Variants in ANKFN1 observed in about 807,000 individuals in gnomAD.
The protein encoded by ANKFN1 is ankyrin repeat and fibronectin type III domain containing 1.
A neutral mutation model predicts 108.7 loss-of-function variants in ANKFN1; 74 were observed. That is an observed-to-expected ratio of 0.68 (90% CI 0.56 to 0.83). The LOEUF is 0.83. ANKFN1 is among the 40% of genes least tolerant of loss of function. The pLI, the probability that ANKFN1 is intolerant of heterozygous loss-of-function variation, is 0.00. For missense variants in ANKFN1, 1,505 were observed against 1,382.3 expected (o/e 1.09, Z -1.41); for synonymous variants, 547 against 516.2 (o/e 1.06, Z -0.81).
intron 3 of ANKFN1, among the ~76,000 whole-genome samples, chr17:56,298,223 A>G (rs932764289): frequency 2.6e-5 from 4 of 152,248 alleles, no homozygotes; most frequent in African/African-American, 9.6e-5. Context: ...TACATATGGA[A>G]GAAAATGCAC....
intron 1 of ANKFN1, among the ~76,000 whole-genome samples, chr17:56,167,860 A>G (rs1910300594): frequency 6.6e-6 from 1 of 152,190 alleles, no homozygotes; most frequent in Non-Finnish European, 1.5e-5. Flanking sequence ...TGGCCAACAC[A>G]GAAGTGACCT....
At chr17:56,211,541 A>G (rs1915006723) in intron 1 of ANKFN1, among the ~76,000 whole-genome samples, 1 of 152,122 alleles carries the variant, frequency 6.6e-6, no homozygotes, top group Admixed American at 6.5e-5. Context: ...AGGTAATGTA[A>G]TATCTCCAGA....
chr17:56,433,396 C>A (rs968906986), intron 8 of ANKFN1, among the ~76,000 whole-genome samples: 9 of 151,864 alleles, frequency 5.9e-5, no homozygotes, highest in Non-Finnish European at 7.4e-5. Flanking sequence ...AAGAATATTT[C>A]CTCAATTTTT....
chr17:56,112,640 G>A (rs897167245), intron 4 of ANKFN1, among the ~76,000 whole-genome samples: 4 of 152,106 alleles, frequency 2.6e-5, no homozygotes, highest in African/African-American at 9.7e-5. Context: ...TTCACATGGG[G>A]TTAGATTATC....
At chr17:56,195,797 G>T (rs1252109508) in intron 1 of ANKFN1, among the ~76,000 whole-genome samples, 1 of 151,998 alleles carries the variant, frequency 6.6e-6, no homozygotes, top group Admixed American at 6.6e-5. Context: ...AACAGGGCAT[G>T]TATCTTTATT....
intron 8 of ANKFN1, among the ~76,000 whole-genome samples, chr17:56,381,467 A>C (rs7214449): frequency 2.6e-5 from 4 of 152,214 alleles, no homozygotes; most frequent in Admixed American, 6.5e-5. Flanking sequence ...AGAAGAAGGC[A>C]TCAGACGATC....
chr17:56,443,840 A>T (rs760646640), intron 10 of ANKFN1, among the ~76,000 whole-genome samples: 4 of 152,224 alleles, frequency 2.6e-5, no homozygotes, highest in Non-Finnish European at 4.4e-5. Flanking sequence ...AGTACTCTGA[A>T]TTGTATTTTC....
chr17:56,174,724 G>A (rs746432625), intron 1 of ANKFN1, among the ~76,000 whole-genome samples: 85 of 152,114 alleles, frequency 5.6e-4, no homozygotes, highest in Non-Finnish European at 1.1e-3. Flanking sequence ...TGACTCCCAC[G>A]TCAGAGAATA....
chr17:56,478,324 A>G (rs1209281922), intron 16 of ANKFN1, among the ~76,000 whole-genome samples: 1 of 152,192 alleles, frequency 6.6e-6, no homozygotes, highest in African/African-American at 2.4e-5. Context: ...TTTATAATCT[A>G]AAACAGCCAT....
At chr17:56,360,054 C>T (rs751321260) in intron 6 of ANKFN1, among the ~76,000 whole-genome samples, 62 of 152,162 alleles carry the variant, frequency 4.1e-4, no homozygotes, top group South Asian at 2.1e-4. Flanking sequence ...AAATCAAATC[C>T]ACCCTCAAAG....
chr17:56,254,589 T>C (rs1054094769), intron 3 of ANKFN1, among the ~76,000 whole-genome samples: 4 of 152,252 alleles, frequency 2.6e-5, no homozygotes, highest in Admixed American at 2.6e-4. Flanking sequence ...GCTGATTCTC[T>C]GAAAGAAACA....
chr17:56,174,239 AG>A lies in ANKFN1; in HGVS notation c.-71+20710del, dbSNP rs1910926117. On this transcript the variant is annotated intron_variant, in intron 1 of 20. Coordinates refer to ENST00000682825, the MANE Select transcript of ANKFN1 (RefSeq NM_001370326.1). The stretch of plus-strand genomic sequence containing the variant: ...TCTCTCTTTGCCAGCAGCTCTTCAA[AG>A]ACTTGTGAGCCCACTCAGCCCTCCA... The A allele has an allele frequency of 2.0e-5, 20 of 985,418 alleles. No individual in the cohort carries two copies. In the South Asian group the frequency reaches 8.5e-4, roughly 42 times the overall value. The allele number at this position is 985,418 out of a possible 1,614,324, so 61.0% of individuals were successfully genotyped here. A position where few individuals can be genotyped will look rare whatever the true frequency, so the allele number is the denominator to read the frequency against.
chr17:56,509,846 G>A (rs928348086), intron 20 of ANKFN1, among the ~76,000 whole-genome samples: 1 of 152,184 alleles, frequency 6.6e-6, no homozygotes, highest in Non-Finnish European at 1.5e-5. Context: ...GCAATATTCC[G>A]ATGATAATCA....
At chr17:56,107,248 A>T (rs187397324) in intron 4 of ANKFN1, among the ~76,000 whole-genome samples, 3 of 152,254 alleles carry the variant, frequency 2.0e-5, no homozygotes, top group Admixed American at 1.3e-4. Context: ...AGTCCCAAGG[A>T]GGTTTCAAGG....
rs1433162811 is a variant in ANKFN1, at chr17:56,188,577, G to GTATATATA, written c.-70-24020_-70-24019insATATATAT. Among the ~76,000 whole-genome samples the GTATATATA allele has an allele frequency of 2.6e-3, 207 of 80,670 alleles. 1 individual carries two copies. Among genetic ancestry groups the GTATATATA allele is most frequent in the Non-Finnish European group, 3.4e-3 (151 of 44,452 alleles). 52.9% of individuals were successfully genotyped at this position (80,670 alleles called of 152,430 possible). On this transcript the variant is annotated intron_variant, in intron 1 of 20. Coordinates refer to ENST00000682825, the MANE Select transcript of ANKFN1 (RefSeq NM_001370326.1). The stretch of plus-strand genomic sequence containing the variant: ...TGTGTGTGTGTATGTGTGTGTGTGT[G>GTATATATA]TGTGTATATATATATATATATATAT...
chr17:56,443,064 GC>G, intron 10 of ANKFN1, 131 bp downstream of exon 10: 1 of 749,638 alleles, frequency 1.3e-6, no homozygotes, highest in Non-Finnish European at 2.2e-6. Flanking sequence ...CAGCATCTGG[GC>G]CACATAATGA....
chr17:56,359,765 A>G (rs995650918), intron 6 of ANKFN1, among the ~76,000 whole-genome samples: 1 of 152,094 alleles, frequency 6.6e-6, no homozygotes, highest in Non-Finnish European at 1.5e-5. Flanking sequence ...GTGACTATAA[A>G]CTAATGAGGC....
At chr17:56,220,704 G>C (rs1212327857) in intron 2 of ANKFN1, among the ~76,000 whole-genome samples, 3 of 148,050 alleles carry the variant, frequency 2.0e-5, no homozygotes, top group African/African-American at 7.6e-5. Flanking sequence ...AAAGGAAAGG[G>C]AAAGGGAAAG....
chr17:56,300,156 C>T (rs1280106550), intron 3 of ANKFN1, among the ~76,000 whole-genome samples: 5 of 152,048 alleles, frequency 3.3e-5, no homozygotes, highest in Non-Finnish European at 1.5e-5. Context: ...ACAAGGAAAA[C>T]CTGAAGAAGA....
Sources: gnomAD v4.1 joint callset for allele counts (sites outside exome capture counted in the v4.1 genomes callset) on GRCh38, gnomAD v4.1.1 for gene constraint, MANE v1.5 for transcripts, NCBI Gene and HGNC (gene_info 2026-07-23, HGNC 2026-07-21) for gene names.